Variants in CYTH3 observed in about 807,000 individuals in gnomAD.
The protein encoded by CYTH3 is cytohesin-3.
A neutral mutation model predicts 55.1 loss-of-function variants in CYTH3; 23 were observed. The ratio of observed to expected loss-of-function variants is 0.42; its 90% CI spans 0.30 to 0.59. The LOEUF (loss-of-function observed/expected upper bound fraction) is 0.59. Among genes scored for constraint, CYTH3 ranks in the 20% least tolerant of loss-of-function variants. The pLI is 0.20. For synonymous variants in CYTH3, 249 were observed against 194.9 expected (o/e 1.28, Z -2.31); for missense variants, 413 against 524.8 (o/e 0.79, Z 2.08).
intron 1 of CYTH3, among the ~76,000 whole-genome samples, chr7:6,202,566 C>G (rs181045013): frequency 3.0e-4 from 45 of 150,476 alleles, no homozygotes; most frequent in Admixed American, 1.1e-3. Flanking sequence ...TGGGTTCAAT[C>G]GATTCTCCTG....
chr7:6,206,151 C>T (rs1307887936), intron 1 of CYTH3, among the ~76,000 whole-genome samples: 1 of 152,146 alleles, frequency 6.6e-6, no homozygotes, highest in African/African-American at 2.4e-5. Context: ...ACACAAAAAC[C>T]TGTACATGAA....
Position 6,171,196 on chromosome 7 carries a change from A to C in CYTH3, c.562+6T>G. 2 of 1,614,054 alleles carry C rather than the reference A, an allele frequency of 1.2e-6. No individual in the cohort carries two copies. The highest frequency in any genetic ancestry group is 1.7e-6 in the Non-Finnish European group (2 of 1,179,936). ...CAAGGGGCCAGGCTGTGGGCTCTGC[A>C]CTGACCTGTGGACTGGAAGACCCCG... On this transcript the variant is annotated splice_donor_region_variant and intron_variant, in intron 7 of 12. Coordinates refer to ENST00000350796, the MANE Select transcript of CYTH3 (RefSeq NM_004227.4). The surrounding 1 kb of genome is among the most constrained non-coding windows in gnomAD (Gnocchi z 6.7).
At chr7:6,165,233 G>A (rs373994734) in intron 12 of CYTH3, 40 bp downstream of exon 12, 143 of 1,586,480 alleles carry the variant, frequency 9.0e-5, no homozygotes, top group East Asian at 3.1e-4. Flanking sequence ...CAACCGGCAC[G>A]AGAAGACGGG....
At chr7:6,219,745 T>C (rs1401291218) in intron 1 of CYTH3, among the ~76,000 whole-genome samples, 1 of 152,134 alleles carries the variant, frequency 6.6e-6, no homozygotes, top group Non-Finnish European at 1.5e-5. Context: ...CTCCACTAGC[T>C]TGGAATGAAA....
chr7:6,268,457 G>A (rs980051335), intron 1 of CYTH3, among the ~76,000 whole-genome samples: 8 of 152,200 alleles, frequency 5.3e-5, no homozygotes, highest in East Asian at 1.9e-4. Context: ...GGTGAGAGCC[G>A]CCGCGCCCGG....
At chr7:6,197,984 C>G (rs1437358485) in intron 1 of CYTH3, among the ~76,000 whole-genome samples, 1 of 151,284 alleles carries the variant, frequency 6.6e-6, no homozygotes, top group Non-Finnish European at 1.5e-5. Flanking sequence ...GTCCCGGGTA[C>G]TCAAGAGGCT....
chr7:6,240,257 C>A (rs1294637150), intron 1 of CYTH3, among the ~76,000 whole-genome samples: 1 of 134,602 alleles, frequency 7.4e-6, no homozygotes, highest in East Asian at 2.2e-4. Flanking sequence ...GAGCTGAGAT[C>A]GTGCCATTGT....
intron 1 of CYTH3, among the ~76,000 whole-genome samples, chr7:6,252,940 C>T (rs1780011224): frequency 6.6e-6 from 1 of 152,198 alleles, no homozygotes; most frequent in African/African-American, 2.4e-5. Context: ...ACTGTGGATG[C>T]TTGTTCCAAA....
chr7:6,196,441 CT>C (rs1321225660), intron 1 of CYTH3, among the ~76,000 whole-genome samples: 3 of 144,730 alleles, frequency 2.1e-5, no homozygotes, highest in Non-Finnish European at 4.5e-5. Flanking sequence ...GAGGGAGCAT[CT>C]TTTTTCTTTT....
In CYTH3 at chr7:6,165,279, G is replaced by A; in HGVS notation, c.1121C>T (p.Ser374Phe). 2 of 1,611,568 alleles carry A rather than the reference G, an allele frequency of 1.2e-6. No homozygotes were observed. Among genetic ancestry groups the A allele is most frequent in the Non-Finnish European group, 1.7e-6 (2 of 1,178,848 alleles). Reference sequence around the variant, plus strand: ...CCCCCGAGGCCCCACTCACTTGATGGATTTCATCCACTCCTCCTTCTCCTC... The same window carrying A: ...CCCCCGAGGCCCCACTCACTTGATGAATTTCATCCACTCCTCCTTCTCCTC... ...SPEEKEEWMK[S>F]IKASISRDPF... Residue 374 changes from serine to phenylalanine, a missense_variant, in exon 12 of 13, where the codon TCC (serine) becomes TTC (phenylalanine). Coordinates refer to ENST00000350796, the MANE Select transcript of CYTH3 (RefSeq NM_004227.4).
At chr7:6,218,835 T>A (rs773157881) in intron 1 of CYTH3, among the ~76,000 whole-genome samples, 1 of 151,906 alleles carries the variant, frequency 6.6e-6, no homozygotes. Flanking sequence ...CGAAACTCCA[T>A]CTCTACTAAA....
At chr7:6,218,189 A>C (rs1784468490) in intron 1 of CYTH3, among the ~76,000 whole-genome samples, 1 of 152,208 alleles carries the variant, frequency 6.6e-6, no homozygotes. Context: ...AAAGAAAAGA[A>C]AAAGCATCTT....
Position 6,164,618 on chromosome 7 carries a change from C to A in CYTH3, c.*326G>T, listed in dbSNP as rs555126303. On this transcript the variant is annotated 3_prime_UTR_variant, in exon 13 of 13. Coordinates refer to ENST00000350796, the MANE Select transcript of CYTH3 (RefSeq NM_004227.4). ...GGAAGCTGCTGTCCTGGCTTCTCCC[C>A]CTAGGGGCGCCGGGATGGTCGCAGG... 1.5e-4 allele frequency: 56 copies of A among 381,704 alleles called. No homozygotes were observed. The highest frequency in any genetic ancestry group is 7.7e-4 in the Middle Eastern group (1 of 1,302). The allele number at this position is 381,704 out of a possible 1,614,324, so 23.6% of individuals were successfully genotyped here. A position where few individuals can be genotyped will look rare whatever the true frequency, so the allele number is the denominator to read the frequency against.
chr7:6,195,869 A>G (rs1471523905), intron 1 of CYTH3, among the ~76,000 whole-genome samples: 10 of 152,194 alleles, frequency 6.6e-5, no homozygotes, highest in Admixed American at 6.5e-4. Flanking sequence ...CCCAAATTTG[A>G]TGAATGACAT....
intron 1 of CYTH3, among the ~76,000 whole-genome samples, chr7:6,236,113 G>C (rs755315730): frequency 4.6e-5 from 7 of 152,172 alleles, no homozygotes; most frequent in African/African-American, 7.2e-5. Flanking sequence ...AAAGGATGAA[G>C]ACAGCTGCGG....
chr7:6,215,062 T>A (rs577837252), intron 1 of CYTH3, among the ~76,000 whole-genome samples: 1 of 152,184 alleles, frequency 6.6e-6, no homozygotes, highest in African/African-American at 2.4e-5. Flanking sequence ...TAGGATGCCC[T>A]CTCTTCCTCT....
chr7:6,197,302 G>A (rs777968723), intron 1 of CYTH3, among the ~76,000 whole-genome samples: 1 of 152,190 alleles, frequency 6.6e-6, no homozygotes, highest in Non-Finnish European at 1.5e-5. Flanking sequence ...TGGCTGTGTA[G>A]AGAAATGTCT....
intron 1 of CYTH3, among the ~76,000 whole-genome samples, chr7:6,219,972 G>T (rs918025019): frequency 3.3e-5 from 5 of 152,122 alleles, no homozygotes; most frequent in African/African-American, 1.2e-4. Context: ...CAGATGAATG[G>T]AACAGAAGAG....
At chr7:6,173,536 T>C in intron 6 of CYTH3, 117 bp downstream of exon 6, 1 of 725,756 alleles carries the variant, frequency 1.4e-6, no homozygotes, top group African/African-American at 1.7e-5. Context: ...GGAGCCAGCA[T>C]CTGTGAGACT....
Sources: allele counts gnomAD v4.1 joint callset (sites outside exome capture counted in the v4.1 genomes callset), GRCh38; gene constraint gnomAD v4.1.1; non-coding constraint Gnocchi (gnomAD v3.1); transcripts MANE v1.5; gene names NCBI Gene and HGNC (gene_info 2026-07-23, HGNC 2026-07-21).